Variants in PPARGC1A observed in about 807,000 individuals in gnomAD.
PPARGC1A encodes the protein PPARG coactivator 1 alpha.
Under a neutral mutation model 88.7 loss-of-function variants are expected in PPARGC1A, and 25 were observed. The ratio of observed to expected loss-of-function variants is 0.28; its 90% CI spans 0.21 to 0.39. The LOEUF (loss-of-function observed/expected upper bound fraction) is 0.39, where lower values mean the gene tolerates loss of function less well. Ranked by LOEUF, PPARGC1A falls within the 10% of genes least tolerant of loss-of-function variation. PPARGC1A has a pLI of 1.00. For synonymous variants in PPARGC1A, 363 were observed against 355.6 expected (o/e 1.02, Z -0.24); for missense variants, 880 against 968.7 (o/e 0.91, Z 1.22).
chr4:24,089,092 G>C, the PPARGC1A span, among the ~76,000 whole-genome samples: 2 of 152,168 alleles, frequency 1.3e-5, no homozygotes, highest in South Asian at 2.1e-4. Flanking sequence ...GAAAAGTACT[G>C]AATCAGTTCC....
At chr4:23,939,499 C>T in the PPARGC1A span, among the ~76,000 whole-genome samples, 1 of 152,150 alleles carries the variant, frequency 6.6e-6, no homozygotes. Context: ...AGAACCAAAG[C>T]ACATTTCAAA....
At chr4:23,903,824 T>C (rs1052454163), upstream of PPARGC1A, among the ~76,000 whole-genome samples, 11 of 152,092 alleles carry the variant, frequency 7.2e-5, no homozygotes, top group Non-Finnish European at 1.3e-4. Context: ...AAATGAAGTA[T>C]ACTACACACT....
the PPARGC1A span, among the ~76,000 whole-genome samples, chr4:24,359,578 G>A: frequency 6.6e-6 from 1 of 152,118 alleles, no homozygotes; most frequent in Non-Finnish European, 1.5e-5. Flanking sequence ...CCTATGAATG[G>A]GACCTTATTT....
chr4:23,922,817 C>G, the PPARGC1A span, among the ~76,000 whole-genome samples: 1 of 152,220 alleles, frequency 6.6e-6, no homozygotes, highest in Non-Finnish European at 1.5e-5. Flanking sequence ...TGTACCCACT[C>G]TGGCTTCCAC....
At chr4:24,194,615 CG>C in the PPARGC1A span, among the ~76,000 whole-genome samples, 1 of 20,540 alleles carries the variant, frequency 4.9e-5, no homozygotes, top group Non-Finnish European at 1.1e-4. Flanking sequence ...GGCACACACG[CG>C]CGCGCACGCG....
chr4:24,325,428 G>A, the PPARGC1A span, among the ~76,000 whole-genome samples: 14 of 152,188 alleles, frequency 9.2e-5, no homozygotes, highest in South Asian at 2.1e-3. Context: ...ACTTCCAAAC[G>A]CCTGAACCGC....
intron 12 of PPARGC1A, among the ~76,000 whole-genome samples, chr4:23,797,646 C>T (rs1019165156): frequency 6.6e-6 from 1 of 152,166 alleles, no homozygotes; most frequent in African/African-American, 2.4e-5. Context: ...AGAGTTTCTT[C>T]ACTGTGAAAT....
chr4:24,022,116 C>G, the PPARGC1A span, among the ~76,000 whole-genome samples: 358 of 152,268 alleles, frequency 2.4e-3, 8 homozygotes, highest in East Asian at 0.058. Context: ...GAGGGCTGAG[C>G]TACAGGTGGA....
chr4:24,432,683 G>T, the PPARGC1A span, among the ~76,000 whole-genome samples: 1 of 152,212 alleles, frequency 6.6e-6, no homozygotes, highest in South Asian at 2.1e-4. Context: ...GGATGGGGTT[G>T]TGTGATCCTG....
chr4:24,448,062 T>A, the PPARGC1A span, among the ~76,000 whole-genome samples: 1 of 152,254 alleles, frequency 6.6e-6, no homozygotes, highest in Non-Finnish European at 1.5e-5. Context: ...ACCGTGGACA[T>A]CTGCCCTTAA....
chr4:24,028,428 C>T, the PPARGC1A span, among the ~76,000 whole-genome samples: 36 of 152,258 alleles, frequency 2.4e-4, no homozygotes, highest in Middle Eastern at 0.014. Context: ...ATTTGTTGAG[C>T]ACCTATGCCA....
chr4:24,321,336 T>C, the PPARGC1A span, among the ~76,000 whole-genome samples: 28 of 152,146 alleles, frequency 1.8e-4, no homozygotes, highest in Admixed American at 7.2e-4. Flanking sequence ...CCCAAAGGCC[T>C]GCGAACTTGT....
chr4:24,414,750 C>T, the PPARGC1A span, among the ~76,000 whole-genome samples: 1 of 152,190 alleles, frequency 6.6e-6, no homozygotes, highest in Non-Finnish European at 1.5e-5. Flanking sequence ...TTAGGTACAA[C>T]TTCTGGATAA....
chr4:23,796,741 G>A (rs1018130607), intron 12 of PPARGC1A, among the ~76,000 whole-genome samples: 3 of 152,048 alleles, frequency 2.0e-5, no homozygotes, highest in Admixed American at 1.3e-4. Context: ...GGTCTTGCAA[G>A]TAACAAAGGG....
the PPARGC1A span, among the ~76,000 whole-genome samples, chr4:24,144,215 A>G: frequency 6.6e-6 from 1 of 152,262 alleles, no homozygotes; most frequent in Admixed American, 6.5e-5. Flanking sequence ...TTTAGCAAAT[A>G]GAATGGACAG....
chr4:24,089,622 T>C, the PPARGC1A span, among the ~76,000 whole-genome samples: 1 of 151,758 alleles, frequency 6.6e-6, no homozygotes, highest in South Asian at 2.1e-4. Context: ...GCCATTCTCG[T>C]GTCTCAGCCT....
the PPARGC1A span, among the ~76,000 whole-genome samples, chr4:24,207,560 C>T: frequency 6.6e-6 from 1 of 152,178 alleles, no homozygotes; most frequent in Non-Finnish European, 1.5e-5. Flanking sequence ...GAAATTAAAA[C>T]TGATGTTGCT....
At chr4:23,930,597 A>G in the PPARGC1A span, among the ~76,000 whole-genome samples, 3 of 152,236 alleles carry the variant, frequency 2.0e-5, no homozygotes, top group Non-Finnish European at 2.9e-5. Context: ...CCAAAAGAGC[A>G]TATATCATTC....
chr4:24,319,854 T>C, the PPARGC1A span, among the ~76,000 whole-genome samples: 1 of 152,236 alleles, frequency 6.6e-6, no homozygotes. Context: ...AAAGTACCTC[T>C]TTCTGTCCAC....
Sources: gnomAD v4.1 joint callset for allele counts (sites outside exome capture counted in the v4.1 genomes callset) on GRCh38, gnomAD v4.1.1 for gene constraint, MANE v1.5 for transcripts, NCBI Gene and HGNC (gene_info 2026-07-23, HGNC 2026-07-21) for gene names.